Variants in SPON1 observed in about 807,000 individuals in gnomAD.
The protein encoded by SPON1 is spondin-1.
A neutral mutation model predicts 111.7 loss-of-function variants in SPON1; 52 were observed. The ratio of observed to expected loss-of-function variants is 0.47; its 90% CI spans 0.37 to 0.59. The LOEUF is 0.59. Ranked by LOEUF, SPON1 falls within the 20% of genes least tolerant of loss-of-function variation. The pLI is 0.00. For missense variants in SPON1, 957 were observed against 1,068.5 expected, an observed-to-expected ratio of 0.90 and a Z score of 1.46; for synonymous variants, 410 against 395.8, an observed-to-expected ratio of 1.04 and a Z score of -0.43.
At chr11:13,974,040 T>C (rs952992083) in intron 1 of SPON1, among the ~76,000 whole-genome samples, 2 of 152,214 alleles carry the variant, frequency 1.3e-5, no homozygotes, top group African/African-American at 4.8e-5. Context: ...TTCTCAGTCT[T>C]GCCTTCCAGT....
At chr11:14,007,250 T>C (rs1404676125) in intron 2 of SPON1, among the ~76,000 whole-genome samples, 2 of 152,202 alleles carry the variant, frequency 1.3e-5, no homozygotes, top group African/African-American at 4.8e-5. Flanking sequence ...TAGGGTTTTC[T>C]AGAGGGACAG....
At chr11:14,086,728 C>T (rs1239491855) in intron 5 of SPON1, among the ~76,000 whole-genome samples, 1 of 152,142 alleles carries the variant, frequency 6.6e-6, no homozygotes, top group African/African-American at 2.4e-5. Context: ...ATGGTACCAA[C>T]TCCTCTTTGT....
At chr11:14,003,669 A>G (rs1554912749) in intron 2 of SPON1, among the ~76,000 whole-genome samples, 1 of 152,190 alleles carries the variant, frequency 6.6e-6, no homozygotes, top group African/African-American at 2.4e-5. Context: ...CATTTGGGCC[A>G]TATTTGAGGT....
intron 5 of SPON1, among the ~76,000 whole-genome samples, chr11:14,094,156 G>A (rs1849080668): frequency 1.3e-5 from 2 of 151,068 alleles, no homozygotes; most frequent in Non-Finnish European, 2.9e-5. Flanking sequence ...AGGTTGCAGT[G>A]AGCCGAGATT....
At chr11:14,215,331 T>G (rs1286235389) in intron 6 of SPON1, among the ~76,000 whole-genome samples, 2 of 152,200 alleles carry the variant, frequency 1.3e-5, no homozygotes, top group Non-Finnish European at 2.9e-5. Context: ...TTTCTTCTTC[T>G]CAGAGTGCTA....
intron 6 of SPON1, among the ~76,000 whole-genome samples, chr11:14,163,774 G>A (rs903015137): frequency 6.6e-6 from 1 of 152,124 alleles, no homozygotes; most frequent in Non-Finnish European, 1.5e-5. Flanking sequence ...GCTGTGGTGG[G>A]AACCAAATGC....
chr11:14,158,702 A>G (rs754328787), intron 6 of SPON1, among the ~76,000 whole-genome samples: 19 of 152,134 alleles, frequency 1.2e-4, no homozygotes, highest in Non-Finnish European at 1.0e-4. Flanking sequence ...GACCTTTCCA[A>G]TACTTTAAAC....
At chr11:14,199,542 C>T (rs1848438660) in intron 6 of SPON1, among the ~76,000 whole-genome samples, 1 of 152,160 alleles carries the variant, frequency 6.6e-6, no homozygotes, top group Admixed American at 6.5e-5. Context: ...GTCTCCCATT[C>T]CCACTTCCTG....
intron 7 of SPON1, among the ~76,000 whole-genome samples, chr11:14,251,547 G>A (rs1849053978): frequency 6.6e-6 from 1 of 152,182 alleles, no homozygotes; most frequent in South Asian, 2.1e-4. Flanking sequence ...TGTCCCCTTA[G>A]ATTGTCATTA....
chr11:14,160,440 TA>T (rs1554930841), intron 6 of SPON1, among the ~76,000 whole-genome samples: 1 of 18,868 alleles, frequency 5.3e-5, no homozygotes, highest in African/African-American at 3.1e-4. Context: ...TTTATATATA[TA>T]TTTATATATA....
At chr11:14,082,818 T>C (rs1211529227) in intron 5 of SPON1, among the ~76,000 whole-genome samples, 1 of 152,248 alleles carries the variant, frequency 6.6e-6, no homozygotes, top group Non-Finnish European at 1.5e-5. Flanking sequence ...AACCATTCTC[T>C]ATCATCATGC....
At chr11:14,106,105 C>G (rs999824571) in intron 5 of SPON1, among the ~76,000 whole-genome samples, 5 of 152,160 alleles carry the variant, frequency 3.3e-5, no homozygotes, top group African/African-American at 1.2e-4. Context: ...AGTCATGGAT[C>G]AATTATTATG....
chr11:14,116,950 G>A (rs1180580357), intron 5 of SPON1, among the ~76,000 whole-genome samples: 1 of 151,940 alleles, frequency 6.6e-6, no homozygotes, highest in Non-Finnish European at 1.5e-5. Context: ...TTATTCCTGG[G>A]TATTATATGT....
intron 5 of SPON1, among the ~76,000 whole-genome samples, chr11:14,082,786 G>A (rs1416115758): frequency 6.6e-6 from 1 of 152,198 alleles, no homozygotes; most frequent in Non-Finnish European, 1.5e-5. Flanking sequence ...TTTTGCCACT[G>A]CAAAGATGAT....
chr11:14,223,439 G>A (rs1217483379), intron 6 of SPON1, among the ~76,000 whole-genome samples: 2 of 152,054 alleles, frequency 1.3e-5, no homozygotes, highest in African/African-American at 2.4e-5. Context: ...ACCAAAATAC[G>A]ATGCAATAAA....
chr11:13,994,192 T>G (rs569954643), intron 2 of SPON1, among the ~76,000 whole-genome samples: 1 of 152,346 alleles, frequency 6.6e-6, no homozygotes, highest in African/African-American at 2.4e-5. Context: ...GAATTCTCTT[T>G]GAGTTCATAG....
intron 6 of SPON1, among the ~76,000 whole-genome samples, chr11:14,195,387 G>A (rs1395027576): frequency 6.6e-6 from 1 of 152,034 alleles, no homozygotes; most frequent in Non-Finnish European, 1.5e-5. Context: ...GGATATTAAT[G>A]GCAAAGACAA....
chr11:13,966,097 G>A (rs1425090045), intron 1 of SPON1, among the ~76,000 whole-genome samples: 6 of 152,140 alleles, frequency 3.9e-5, no homozygotes, highest in Non-Finnish European at 8.8e-5. Context: ...CCCAAAACCT[G>A]AATCCAGTTG....
intron 2 of SPON1, among the ~76,000 whole-genome samples, chr11:14,010,343 G>T (rs1168344050): frequency 6.6e-6 from 1 of 152,010 alleles, no homozygotes; most frequent in Non-Finnish European, 1.5e-5. Flanking sequence ...GAGATGAGAG[G>T]GGGATGGGAT....
Sources: allele counts gnomAD v4.1 joint callset (sites outside exome capture counted in the v4.1 genomes callset), GRCh38; gene constraint gnomAD v4.1.1; transcripts MANE v1.5; gene names NCBI Gene and HGNC (gene_info 2026-07-23, HGNC 2026-07-21).